CYLD: variants seen among roughly 807,000 people sequenced by gnomAD.
CYLD encodes the protein CYLD lysine 63 deubiquitinase, also known as ubiquitin carboxyl-terminal hydrolase CYLD.
Under a neutral mutation model 104.5 loss-of-function variants are expected in CYLD, and 26 were observed. The ratio of observed to expected loss-of-function variants is 0.25; its 90% CI spans 0.18 to 0.35. The LOEUF (loss-of-function observed/expected upper bound fraction) is 0.35. Ranked by LOEUF, CYLD falls within the 10% of genes least tolerant of loss-of-function variation. CYLD has a pLI of 1.00. For synonymous variants in CYLD, 385 were observed against 399.9 expected (o/e 0.96, Z 0.45); for missense variants, 703 against 1,136.1 (o/e 0.62, Z 5.48).
intron 12 of CYLD, chr16:50,785,214 G>A (rs1970688057): frequency 6.6e-6 from 1 of 151,546 alleles, no homozygotes; most frequent in African/African-American, 2.4e-5. Flanking sequence ...TAGAGAGAAA[G>A]TGATTTATTT....
rs947582253 is a variant in CYLD, at chr16:50,796,876, T to C, written c.*368T>C. On this transcript the variant is annotated 3_prime_UTR_variant, in exon 19 of 19. Transcript: ENST00000427738. ...GAGAATGTAAATAAATGTGTCTTCTTTATGGACCAAGGATATGAAATCATT... is the reference window on the plus strand; with the variant it reads ...GAGAATGTAAATAAATGTGTCTTCTCTATGGACCAAGGATATGAAATCATT... 5 of 352,668 alleles carry C rather than the reference T, an allele frequency of 1.4e-5. No individual in the cohort carries two copies. The highest frequency in any genetic ancestry group is 1.0e-4 in the African/African-American group (5 of 48,644). The allele number at this position is 352,668 out of a possible 1,614,324, so 21.8% of individuals were successfully genotyped here.
intron 9 of CYLD, among the ~76,000 whole-genome samples, chr16:50,780,904 A>G (rs2150994833): frequency 6.6e-6 from 1 of 151,696 alleles, no homozygotes; most frequent in South Asian, 2.1e-4. Context: ...GGGAGGCAAG[A>G]ATGAGGGTTA....
rs762752160 is a variant in CYLD at position 50,794,151 on chromosome 16, C to A, written c.2470-61C>A. On this transcript the variant is annotated intron_variant, in intron 17 of 18. Transcript: ENST00000427738. This position sits in a 1 kb window ranked among gnomAD's most constrained non-coding sequence, Gnocchi z 4.1. ...CCATCTTGATCAGGCTGGTCTTGAA[C>A]TCCTGACCTCGTGATCCACCAGCCT... The A allele has an allele frequency of 1.4e-6, 2 of 1,466,172 alleles. No homozygotes were observed. Among genetic ancestry groups the A allele is most frequent in the Non-Finnish European group, 1.9e-6 (2 of 1,047,346 alleles). The allele number at this position is 1,466,172 out of a possible 1,614,324, so 90.8% of individuals were successfully genotyped here. A position where few individuals can be genotyped will look rare whatever the true frequency, so the allele number is the denominator to read the frequency against.
chr16:50,761,734 G>T (rs962018691), intron 5 of CYLD, among the ~76,000 whole-genome samples: 1 of 56,440 alleles, frequency 1.8e-5, no homozygotes, highest in Non-Finnish European at 3.4e-5. Flanking sequence ...TGTGGTTTTA[G>T]TACATATCTC....
In CYLD at chr16:50,800,289, A is replaced by G. The variant is rs1025333175; in HGVS notation, c.*3781A>G. ...AATCTGTGAGGGAATCCCCAGGGGA[A>G]TCTCGTGACCAGCCAGGTGTGAAAT... On this transcript the variant is annotated 3_prime_UTR_variant, in exon 19 of 19. Transcript: ENST00000427738. 1 of 233,222 alleles carries G rather than the reference A, an allele frequency of 4.3e-6. No individual in the cohort carries two copies. The highest frequency in any genetic ancestry group is 8.5e-6 in the Non-Finnish European group (1 of 117,990). 14.4% of individuals were successfully genotyped at this position (233,222 alleles called of 1,614,324 possible).
chr16:50,749,666 T>G lies in CYLD; in HGVS notation c.-33T>G, dbSNP rs756471558. On this transcript the variant is annotated 5_prime_UTR_variant, in exon 3 of 19. Transcript: ENST00000427738. The stretch of plus-strand genomic sequence containing the variant: ...TGACAAAGTTATTAGTAGTTTCCCT[T>G]TTTTGAATTAGTATTTTGAAGTTAA... 2 of 1,608,610 alleles carry G rather than the reference T, an allele frequency of 1.2e-6. No homozygotes were observed. Among genetic ancestry groups the G allele is most frequent in the African/African-American group, 2.7e-5 (2 of 74,840 alleles).
chr16:50,787,063 C>A, intron 13 of CYLD, 117 bp downstream of exon 13: 2 of 849,924 alleles, frequency 2.4e-6, no homozygotes, highest in Non-Finnish European at 4.0e-6. Flanking sequence ...TTAGAAATTT[C>A]TTTTTATGTG....
Position 50,779,678 on chromosome 16 carries a change from T to C in CYLD, c.1152T>C (p.Pro384=). ...ATAATTTTTTAGTTGCAGAAGACCC[T>C]GCAAAATCTCTTACAGAGATATCTA... The part of the protein sequence containing the change: ...TWYIDEVAED[P]AKSLTEISTD... Residue 384 remains proline, a synonymous_variant, in exon 9 of 19, where the codon CCT becomes CCC. Coordinates refer to ENST00000427738, the MANE Select transcript of CYLD (RefSeq NM_001378743.1). 1 of 1,613,880 alleles carries C rather than the reference T, an allele frequency of 6.2e-7. No individual in the cohort carries two copies. Among genetic ancestry groups the C allele is most frequent in the Non-Finnish European group, 8.5e-7 (1 of 1,179,880 alleles).
intron 7 of CYLD, among the ~76,000 whole-genome samples, chr16:50,776,933 A>T (rs1264759816): frequency 2.0e-5 from 3 of 152,194 alleles, no homozygotes; most frequent in African/African-American, 7.2e-5. Context: ...GAATTATTTT[A>T]TGTGACATTG....
rs755910848 is a variant in CYLD at position 50,791,599 on chromosome 16, T to C, written c.2150T>C (p.Ile717Thr). The C allele has an allele frequency of 6.2e-7, 1 of 1,613,918 alleles. No individual in the cohort carries two copies. Among genetic ancestry groups the C allele is most frequent in the South Asian group, 1.1e-5 (1 of 91,082 alleles). The change falls in exon 15 of 19, where the codon ATT becomes ACT. Residue 717 changes from isoleucine to threonine, a missense_variant. By Grantham distance (89) the Ile-to-Thr change is moderately conservative. Around this residue, in one of 5 missense-constraint regions of CYLD, gnomAD observed 125 missense variants for 325.4 expected, o/e 0.38. Transcript: ENST00000427738. ...GTACAAGATTGTTACTTCTATCAAA[T>C]TTTTATGGAAAAAAATGAGAAAGTT... ...QKVQDCYFYQ[I>T]FMEKNEKVGV...
intron 5 of CYLD, among the ~76,000 whole-genome samples, chr16:50,765,392 ATGT>A (rs751368263): frequency 5.3e-5 from 8 of 152,134 alleles, no homozygotes; most frequent in Non-Finnish European, 7.4e-5. Flanking sequence ...CCACTGATAA[ATGT>A]TGTGTGTATT....
rs1178431432 is a variant in CYLD at position 50,801,201 on chromosome 16, T to C, written c.*4693T>C. 4.3e-6 allele frequency: 1 copy of C among 233,326 alleles called. No individual in the cohort carries two copies. Among genetic ancestry groups the C allele is most frequent in the African/African-American group, 2.2e-5 (1 of 45,354 alleles). 14.5% of individuals were successfully genotyped at this position (233,326 alleles called of 1,614,324 possible). Reference sequence around the variant, plus strand: ...CTCTTGAGTCAGGATGCAGTGGTAATGCATTAACCAGCAAGTGTGGCCAAG... The same window carrying C: ...CTCTTGAGTCAGGATGCAGTGGTAACGCATTAACCAGCAAGTGTGGCCAAG... On this transcript the variant is annotated 3_prime_UTR_variant, in exon 19 of 19. Transcript: ENST00000427738.
chr16:50,751,693 A>G lies in CYLD; in HGVS notation c.594A>G (p.Ala198=), dbSNP rs367580462. The G allele has an allele frequency of 8.0e-5, 129 of 1,613,708 alleles. 1 individual carries two copies. In the African/African-American group the frequency reaches 1.1e-3, roughly 14 times the overall value. Residue 198 remains alanine, a synonymous_variant, in exon 4 of 19, where the codon GCA becomes GCG. Transcript: ENST00000427738. The part of the protein sequence containing the change: ...QCDEDCGVFV[A]LDKLELIEDD... ...ATGAAGATTGTGGCGTGTTTGTTGCATTGGACAAGCTAGAACTCATAGAAG... is the reference window on the plus strand; with the variant it reads ...ATGAAGATTGTGGCGTGTTTGTTGCGTTGGACAAGCTAGAACTCATAGAAG...
chr16:50,765,253 T>C (rs1968371380), intron 5 of CYLD, among the ~76,000 whole-genome samples: 1 of 152,344 alleles, frequency 6.6e-6, no homozygotes, highest in African/African-American at 2.4e-5. Flanking sequence ...TTTTGGTAAT[T>C]CCTGCAATAT....
At chr16:50,754,944 T>C (rs576106606) in intron 5 of CYLD, among the ~76,000 whole-genome samples, 21 of 147,418 alleles carry the variant, frequency 1.4e-4, no homozygotes, top group East Asian at 4.0e-4. Flanking sequence ...TATGTATATA[T>C]ACACACATAT....
intron 5 of CYLD, among the ~76,000 whole-genome samples, chr16:50,758,859 CA>C (rs1458577494): frequency 6.6e-6 from 1 of 152,126 alleles, no homozygotes; most frequent in Non-Finnish European, 1.5e-5. Context: ...AGCTATTAAA[CA>C]ATTTCATTTG....
intron 5 of CYLD, among the ~76,000 whole-genome samples, chr16:50,769,675 T>A (rs1011214190): frequency 6.6e-6 from 1 of 151,792 alleles, no homozygotes; most frequent in African/African-American, 2.4e-5. Context: ...AACATTAACA[T>A]GTTGTAAAAC....
Position 50,779,984 on chromosome 16 carries a change from G to A in CYLD, c.1458G>A (p.Gly486=), listed in dbSNP as rs765806711. 1 of 1,614,114 alleles carries A rather than the reference G, an allele frequency of 6.2e-7. No homozygotes were observed. Among genetic ancestry groups the A allele is most frequent in the Non-Finnish European group, 8.5e-7 (1 of 1,179,980 alleles). The part of the protein sequence containing the change: ...AEVKENPPFY[G]VIRWIGQPPG... ...TTAAGGAGAACCCTCCTTTCTATGG[G>A]GTAATCCGTTGGATCGGTCAGCCAC... The change falls in exon 9 of 19, where the codon GGG becomes GGA. Residue 486 remains glycine (G), a synonymous_variant. Transcript: ENST00000427738.
chr16:50,784,059 G>T (rs1567451141), intron 11 of CYLD: 4 of 377,828 alleles, frequency 1.1e-5, no homozygotes, highest in East Asian at 5.8e-5. Context: ...TATTCTGTTG[G>T]CACGTTGTTA....
Sources: gnomAD v4.1 joint callset for allele counts (sites outside exome capture counted in the v4.1 genomes callset) on GRCh38, gnomAD v4.1.1 for gene constraint, gnomAD v4.1.1 regional missense constraint, Gnocchi (gnomAD v3.1) non-coding constraint, MANE v1.5 for transcripts, NCBI Gene and HGNC (gene_info 2026-07-23, HGNC 2026-07-21) for gene names.